Variants in SLC10A1 observed in about 807,000 individuals in gnomAD.
SLC10A1 encodes the protein solute carrier family 10 member 1, also known as hepatic sodium/bile acid cotransporter.
A neutral mutation model predicts 20.5 loss-of-function variants in SLC10A1; 36 were observed. The ratio of observed to expected loss-of-function variants is 1.75; its 90% confidence interval spans 1.34 to 2.32. The LOEUF (loss-of-function observed/expected upper bound fraction) is 2.32, where lower values mean the gene tolerates loss of function less well. Among genes scored for constraint, SLC10A1 ranks in the 30% most tolerant of loss-of-function variants. The pLI, the probability that SLC10A1 is intolerant of heterozygous loss-of-function variation, is 0.00. For synonymous variants in SLC10A1, 188 were observed against 163.6 expected, an observed-to-expected ratio of 1.15 and a Z score of -1.14; for missense variants, 545 against 439.1, an observed-to-expected ratio of 1.24 and a Z score of -2.16.
intron 4 of SLC10A1, among the ~76,000 whole-genome samples, chr14:69,777,958 C>G (rs1883488267): frequency 6.6e-6 from 1 of 151,662 alleles, no homozygotes; most frequent in Admixed American, 6.6e-5. Flanking sequence ...AGAACCTAGT[C>G]CTGAGAAATG....
chr14:69,781,301 C>T lies in SLC10A1; in HGVS notation c.568-1941G>A, dbSNP rs370367182. ...GACAAGTGGCCCCGGGTAGTTGCTT[C>T]TCCATAGGCTACCACATTTTGTACC... On this transcript the variant is annotated intron_variant, in intron 2 of 4. Coordinates refer to ENST00000216540, the MANE Select transcript of SLC10A1 (RefSeq NM_003049.4). 3.3e-4 allele frequency among the ~76,000 whole-genome samples: 50 copies of T among 152,372 alleles called. 1 individual carries two copies. Among genetic ancestry groups the T allele is most frequent in the African/African-American group, 1.2e-3 (48 of 41,584 alleles).
At chr14:69,789,913 G>GTT (rs1566638130) in intron 1 of SLC10A1, among the ~76,000 whole-genome samples, 6 of 121,256 alleles carry the variant, frequency 4.9e-5, no homozygotes, top group African/African-American at 2.1e-4. Flanking sequence ...CCAAAAATAG[G>GTT]GTTTTTTTTT....
chr14:69,796,978 C>T lies in SLC10A1; in HGVS notation c.178G>A (p.Gly60Arg), dbSNP rs772236057. ...KIKAHLWKPK[G>R]LAIALVAQYG... is the part of the protein sequence containing the mutation. ...TGTGCCACCAGGGCGATGGCCAGCC[C>T]TTTAGGCTTCCATAAGTGAGCCTTG... The change falls in exon 1 of 5, where the codon GGG (glycine) becomes AGG (arginine). Residue 60 changes from glycine (G) to arginine (R), a missense_variant. Transcript: ENST00000216540. The T allele has an allele frequency of 8.1e-6, 13 of 1,614,244 alleles. No homozygotes were observed. The highest frequency in any genetic ancestry group is 1.6e-4 in the Middle Eastern group (1 of 6,062).
Position 69,775,450 on chromosome 14 carries a change from A to G in SLC10A1, c.*832T>C, listed in dbSNP as rs547229831. ...AAATGTTTAAATTTTATTAGAGACA[A>G]TTTGAAATTTGTGAATTCTAGGTAT... On this transcript the variant is annotated 3_prime_UTR_variant, in exon 5 of 5. Coordinates refer to ENST00000216540, the MANE Select transcript of SLC10A1 (RefSeq NM_003049.4). The G allele has an allele frequency of 5.9e-5, 9 of 152,224 alleles. No individual in the cohort carries two copies. The highest frequency in any genetic ancestry group is 2.9e-5 in the Non-Finnish European group (2 of 68,038). The allele number at this position is 152,224 out of a possible 1,614,324, so 9.4% of individuals were successfully genotyped here.
At position 69,778,340 on chromosome 14, in the gene SLC10A1, A is replaced by C. The variant is rs201142538; in HGVS notation, c.936T>G (p.Thr312=). 1.1e-5 allele frequency: 17 copies of C among 1,603,232 alleles called. No individual in the cohort carries two copies. In the Admixed American group the frequency reaches 2.7e-4, roughly 26 times the overall value. ...AIFWCYEKFK[T]PKDKTKMIYT... ...GATAATTTCAGTACTCACCCTTGGG[A>C]GTCTTGAATTTCTCATAGCACCAAA... Residue 312 remains threonine (T), a synonymous_variant, in exon 4 of 5, where the codon ACT becomes ACG. Coordinates refer to ENST00000216540, the MANE Select transcript of SLC10A1 (RefSeq NM_003049.4).
At chr14:69,792,394 G>A (rs1053432459) in intron 1 of SLC10A1, among the ~76,000 whole-genome samples, 1 of 152,114 alleles carries the variant, frequency 6.6e-6, no homozygotes, top group African/African-American at 2.4e-5. Flanking sequence ...TAGAAAAACA[G>A]GCAAAGGACC....
At chr14:69,786,361 A>C in intron 1 of SLC10A1, 54 bp from the exon 2 acceptor site, 1 of 1,495,754 alleles carries the variant, frequency 6.7e-7, no homozygotes. Flanking sequence ...AATACAGACT[A>C]TTTTGTTGAG....
rs572305852 is a variant in SLC10A1 at position 69,779,122 on chromosome 14, C to T, written c.746+60G>A. 2.9e-3 allele frequency: 3,704 copies of T among 1,299,444 alleles called. 10 individuals carry two copies. Among genetic ancestry groups the T allele is most frequent in the Non-Finnish European group, 3.6e-3 (3,475 of 958,300 alleles). The allele number at this position is 1,299,444 out of a possible 1,614,324, so 80.5% of individuals were successfully genotyped here. A position where few individuals can be genotyped will look rare whatever the true frequency, so the allele number is the denominator to read the frequency against. On this transcript the variant is annotated intron_variant, in intron 3 of 4. Transcript: ENST00000216540. ...GCTGCAGTGAGCTGAGAATGTGCTA[C>T]TCCCCTCCAGCCTGGGCAACAGAGT... is the stretch of plus-strand genomic sequence containing the variant.
At chr14:69,780,097 C>T (rs1162220890) in intron 2 of SLC10A1, among the ~76,000 whole-genome samples, 1 of 152,158 alleles carries the variant, frequency 6.6e-6, no homozygotes, top group African/African-American at 2.4e-5. Context: ...AGGGGACAAA[C>T]CTACTTTCTT....
At chr14:69,787,026 A>G (rs182335399) in intron 1 of SLC10A1, among the ~76,000 whole-genome samples, 1 of 152,362 alleles carries the variant, frequency 6.6e-6, no homozygotes, top group Non-Finnish European at 1.5e-5. Flanking sequence ...TTGAAGGGCC[A>G]TAATGGTGGG....
rs746078238 is a variant in SLC10A1 at position 69,779,370 on chromosome 14, A to C, written c.568-10T>G. 4 of 1,600,290 alleles carry C rather than the reference A, an allele frequency of 2.5e-6. No homozygotes were observed. The highest frequency in any genetic ancestry group is 2.6e-6 in the Non-Finnish European group (3 of 1,169,706). ...TGATGATCATCCCTCCCTGGGAATG[A>C]AGACAAGAAAAGGCAATTAGAAGAG... is the stretch of plus-strand genomic sequence containing the variant. On this transcript the variant is annotated splice_polypyrimidine_tract_variant and intron_variant, in intron 2 of 4. Coordinates refer to ENST00000216540, the MANE Select transcript of SLC10A1 (RefSeq NM_003049.4).
chr14:69,794,065 A>G (rs1882338557), intron 1 of SLC10A1, among the ~76,000 whole-genome samples: 1 of 152,120 alleles, frequency 6.6e-6, no homozygotes, highest in Non-Finnish European at 1.5e-5. Flanking sequence ...AACCTCTGGC[A>G]AGTCTCTGAC....
chr14:69,784,722 T>TGA, intron 2 of SLC10A1, among the ~76,000 whole-genome samples: 1 of 151,924 alleles, frequency 6.6e-6, no homozygotes, highest in South Asian at 2.1e-4. Flanking sequence ...ATTTTAGAAA[T>TGA]GAGAGAGAGG....
rs370448356 is a variant in SLC10A1, at chr14:69,796,789, C to T, written c.356+11G>A. The T allele has an allele frequency of 1.2e-5, 20 of 1,606,466 alleles. No homozygotes were observed. Among genetic ancestry groups the T allele is most frequent in the Admixed American group, 1.2e-4 (7 of 59,668 alleles). Reference sequence around the variant, plus strand: ...TGTCCCAGGCTGTTCCCTCCTCACCCCCAGGCCTACCTGAGGTTCATGTCC... The same window carrying T: ...TGTCCCAGGCTGTTCCCTCCTCACCTCCAGGCCTACCTGAGGTTCATGTCC... On this transcript the variant is annotated intron_variant, in intron 1 of 4. Coordinates refer to ENST00000216540, the MANE Select transcript of SLC10A1 (RefSeq NM_003049.4).
In SLC10A1 at chr14:69,797,126, GA is replaced by G; in HGVS notation, c.29del (p.Phe10SerfsTer18). 6.2e-7 allele frequency: 1 copy of G among 1,613,636 alleles called. No homozygotes were observed. Among genetic ancestry groups the G allele is most frequent in the Admixed American group, 1.7e-5 (1 of 60,004 alleles). On this transcript the variant is annotated frameshift_variant, in exon 1 of 5. Coordinates refer to ENST00000216540, the MANE Select transcript of SLC10A1 (RefSeq NM_003049.4). LOFTEE classifies it high-confidence loss of function. MEAHNASAP[F>X]NFTLPPNFGK... ...CAAAGTTGGGTGGCAGGGTGAAGTT[GA>G]ATGGGGCAGACGCGTTGTGGGCCTC... is the stretch of plus-strand genomic sequence containing the variant.
chr14:69,777,358 G>C (rs1883469028), intron 4 of SLC10A1, among the ~76,000 whole-genome samples: 1 of 152,108 alleles, frequency 6.6e-6, no homozygotes, highest in African/African-American at 2.4e-5. Context: ...GAGAGAATCG[G>C]CATTTGCTTG....
In SLC10A1 at chr14:69,797,152, C is replaced by G. The variant is rs757442230; in HGVS notation, c.4G>C (p.Glu2Gln). M[E>Q]AHNASAPFNF... ...AATGGGGCAGACGCGTTGTGGGCCT[C>G]CATCCTCCTGTGAGGCAGTGGAAGA... is the stretch of plus-strand genomic sequence containing the variant. The change falls in exon 1 of 5, where the codon GAG becomes CAG. Residue 2 changes from glutamate to glutamine, a missense_variant. Transcript: ENST00000216540. 2.5e-6 allele frequency: 4 copies of G among 1,605,874 alleles called. No homozygotes were observed. The highest frequency in any genetic ancestry group is 3.4e-6 in the Non-Finnish European group (4 of 1,175,310).
rs776000883 is a variant in SLC10A1 at position 69,779,374 on chromosome 14, CAAGAA to C, written c.568-19_568-15del. On this transcript the variant is annotated splice_polypyrimidine_tract_variant and intron_variant, in intron 2 of 4. Coordinates refer to ENST00000216540, the MANE Select transcript of SLC10A1 (RefSeq NM_003049.4). ...GATCATCCCTCCCTGGGAATGAAGA[CAAGAA>C]AAGGCAATTAGAAGAGTTGGGGATA... is the stretch of plus-strand genomic sequence containing the variant. The C allele has an allele frequency of 8.8e-6, 14 of 1,594,706 alleles. No homozygotes were observed. The highest frequency in any genetic ancestry group is 3.4e-5 in the South Asian group (3 of 89,158).
intron 1 of SLC10A1, among the ~76,000 whole-genome samples, chr14:69,792,410 T>C (rs1028498937): frequency 1.3e-5 from 2 of 152,166 alleles, no homozygotes; most frequent in African/African-American, 4.8e-5. Context: ...GGACCCAATG[T>C]TTCCAGAAGA....
Sources: allele counts gnomAD v4.1 joint callset (sites outside exome capture counted in the v4.1 genomes callset), GRCh38; gene constraint gnomAD v4.1.1; transcripts MANE v1.5; gene names NCBI Gene and HGNC (gene_info 2026-07-23, HGNC 2026-07-21).